Variants in TAS2R1 observed in about 807,000 individuals in gnomAD.
The protein encoded by TAS2R1 is taste receptor type 2 member 1.
For missense variants in TAS2R1, 370 were observed against 353.4 expected (o/e 1.05, Z -0.38); for synonymous variants, 141 against 134.2 (o/e 1.05, Z -0.35).
the TAS2R1 span, among the ~76,000 whole-genome samples, chr5:9,843,301 T>C: frequency 7.2e-5 from 11 of 152,338 alleles, no homozygotes; most frequent in African/African-American, 2.6e-4. Flanking sequence ...GAAAAGTCTT[T>C]GGTCTTCCAC....
chr5:9,810,861 T>G, the TAS2R1 span, among the ~76,000 whole-genome samples: 3 of 152,166 alleles, frequency 2.0e-5, no homozygotes, highest in Non-Finnish European at 4.4e-5. Context: ...TATTTTCACA[T>G]GAATGTCTTC....
chr5:9,824,613 G>A, the TAS2R1 span, among the ~76,000 whole-genome samples: 18 of 152,218 alleles, frequency 1.2e-4, no homozygotes, highest in East Asian at 1.4e-3. Flanking sequence ...TTGGGGGGCC[G>A]AGGCAGGTGG....
At chr5:9,902,526 A>T in the TAS2R1 span, 3 of 152,104 alleles carry the variant, frequency 2.0e-5, no homozygotes, top group African/African-American at 7.2e-5. Context: ...CTTAACAACA[A>T]GTCAAAAGCT....
the TAS2R1 span, among the ~76,000 whole-genome samples, chr5:9,774,102 C>T: frequency 2.7e-4 from 41 of 152,282 alleles, no homozygotes; most frequent in African/African-American, 9.1e-4. Context: ...ATGCTGCATT[C>T]TTTCTTACTC....
At chr5:9,646,268 C>A (rs147938366) in intron 2 of TAS2R1, among the ~76,000 whole-genome samples, 3 of 152,122 alleles carry the variant, frequency 2.0e-5, no homozygotes, top group Non-Finnish European at 4.4e-5. Context: ...GTTACTCTGA[C>A]GGCTCAGATT....
At chr5:9,722,216 G>A in the TAS2R1 span, among the ~76,000 whole-genome samples, 1 of 152,158 alleles carries the variant, frequency 6.6e-6, no homozygotes, top group African/African-American at 2.4e-5. Flanking sequence ...CCCCCACAGG[G>A]GACCCCTGAG....
At chr5:9,673,981 T>C (rs1368779587) in intron 1 of TAS2R1, among the ~76,000 whole-genome samples, 1 of 152,204 alleles carries the variant, frequency 6.6e-6, no homozygotes, top group Non-Finnish European at 1.5e-5. Context: ...AGCCAGGAGA[T>C]GCTGGAGGCT....
Position 9,629,399 on chromosome 5 carries a change from C to T in TAS2R1, c.634G>A (p.Val212Met). The stretch of plus-strand genomic sequence containing the variant: ...CTGCCAGGAACCCTGCTGCCGGCCA[C>T]TGTGTTTCTCATTTGCCGGGTGTGC... The part of the protein sequence containing the change: ...GRHTRQMRNT[V>M]AGSRVPGRGA... The change falls in exon 1 of 1, where the codon GTG becomes ATG. Residue 212 changes from valine to methionine, a missense_variant. Physicochemically the swap from Val to Met is conservative, Grantham distance 21. Transcript: ENST00000382492. 1 of 1,614,166 alleles carries T rather than the reference C, an allele frequency of 6.2e-7. No homozygotes were observed.
At position 9,629,176 on chromosome 5, in the gene TAS2R1, T is replaced by C. The variant is rs576165809; in HGVS notation, c.857A>G (p.Gln286Arg). 1 of 1,587,186 alleles carries C rather than the reference T, an allele frequency of 6.3e-7. No individual in the cohort carries two copies. The highest frequency in any genetic ancestry group is 1.9e-5 in the Admixed American group (1 of 53,046). ...GTGGAGGAGGAACTTTTTTGCATTT[T>C]GTTTCAATTTAGGATTTCCTAAAAT... ...ILILGNPKLK[Q>R]NAKKFLLHSK... The change falls in exon 1 of 1, where the codon CAA becomes CGA. Residue 286 changes from glutamine to arginine, a missense_variant. Gln to Arg is a conservative substitution (Grantham distance 43, BLOSUM62 1). Coordinates refer to ENST00000382492, the MANE Select transcript of TAS2R1 (RefSeq NM_019599.3).
chr5:9,649,555 A>G (rs1262107245), intron 2 of TAS2R1, among the ~76,000 whole-genome samples: 1 of 152,104 alleles, frequency 6.6e-6, no homozygotes, highest in Non-Finnish European at 1.5e-5. Context: ...TATTTCCCCA[A>G]TTTCCTATAA....
the TAS2R1 span, among the ~76,000 whole-genome samples, chr5:9,823,276 T>A: frequency 5.3e-5 from 8 of 152,152 alleles, no homozygotes; most frequent in African/African-American, 1.9e-4. Flanking sequence ...CATTTTTCTT[T>A]CCCATTATCA....
chr5:9,736,319 A>G, the TAS2R1 span, among the ~76,000 whole-genome samples: 1 of 152,228 alleles, frequency 6.6e-6, no homozygotes, highest in Non-Finnish European at 1.5e-5. Context: ...CTAGCAGGAC[A>G]GCGTCCCAGC....
chr5:9,717,608 C>T, the TAS2R1 span, among the ~76,000 whole-genome samples: 1 of 151,916 alleles, frequency 6.6e-6, no homozygotes, highest in Non-Finnish European at 1.5e-5. Flanking sequence ...ATAATATAGA[C>T]TTCCCACAAT....
chr5:9,643,639 G>A (rs1740129094), intron 2 of TAS2R1, among the ~76,000 whole-genome samples: 1 of 152,172 alleles, frequency 6.6e-6, no homozygotes, highest in South Asian at 2.1e-4. Flanking sequence ...GATGTCACTA[G>A]CTGATAGGAA....
chr5:9,707,598 G>A lies in TAS2R1; in HGVS notation c.-242+4574C>T, dbSNP rs138059188. Among the ~76,000 whole-genome samples, 1,018 of 152,246 alleles carry A rather than the reference G, an allele frequency of 6.7e-3. 8 individuals are homozygous for A. Among genetic ancestry groups the A allele is most frequent in the African/African-American group, 0.023 (962 of 41,536 alleles). ...CTCGGTAGGGTGAAGCAAGAGAATCGCTTGAACCCGGGAAGCAGAGGTTGC... is the reference window on the plus strand; with the variant it reads ...CTCGGTAGGGTGAAGCAAGAGAATCACTTGAACCCGGGAAGCAGAGGTTGC... On this transcript the variant is annotated intron_variant, in intron 1 of 2. Coordinates refer to the TAS2R1 transcript ENST00000506620.
the TAS2R1 span, among the ~76,000 whole-genome samples, chr5:9,859,166 C>T: frequency 1.9e-4 from 29 of 152,162 alleles, no homozygotes; most frequent in Admixed American, 6.5e-5. Context: ...TCATAGCAGT[C>T]TCCATCTTAC....
At chr5:9,750,655 A>G in the TAS2R1 span, among the ~76,000 whole-genome samples, 1 of 152,222 alleles carries the variant, frequency 6.6e-6, no homozygotes, top group Non-Finnish European at 1.5e-5. Flanking sequence ...CATTAGAAAC[A>G]GCACATAACT....
the TAS2R1 span, among the ~76,000 whole-genome samples, chr5:9,742,402 C>T: frequency 1.1e-3 from 174 of 152,238 alleles, 1 homozygote; most frequent in African/African-American, 3.8e-3. Context: ...TAGCAAAATA[C>T]CTCTACTCCC....
chr5:9,864,084 A>G, the TAS2R1 span, among the ~76,000 whole-genome samples: 2 of 152,218 alleles, frequency 1.3e-5, no homozygotes, highest in Admixed American at 1.3e-4. Context: ...AAAACAAAAG[A>G]ATGGCTACTT....
Sources: allele counts gnomAD v4.1 joint callset (sites outside exome capture counted in the v4.1 genomes callset), GRCh38; gene constraint gnomAD v4.1.1; transcripts MANE v1.5; gene names NCBI Gene and HGNC (gene_info 2026-07-23, HGNC 2026-07-21).